The following PCDHGB1 variants were observed in gnomAD, a reference collection of about 807,000 sequenced individuals.
PCDHGB1 encodes protocadherin gamma-B1.
Under a neutral mutation model 56.6 loss-of-function variants are expected in PCDHGB1, and 34 were observed. The observed-to-expected ratio is 0.60, with a 90% CI of 0.46 to 0.80. The LOEUF (loss-of-function observed/expected upper bound fraction) is 0.80, where lower values mean the gene tolerates loss of function less well. PCDHGB1 is among the 30% of genes least tolerant of loss of function. PCDHGB1 has a pLI of 0.00. For synonymous variants in PCDHGB1, 561 were observed against 505.9 expected (o/e 1.11, Z -1.46); for missense variants, 1,278 against 1,204.6 (o/e 1.06, Z -0.90).
chr5:141,414,965 C>T lies in PCDHGB1; in HGVS notation c.2409+62296C>T, dbSNP rs564450666. On this transcript the variant is annotated intron_variant, in intron 1 of 3. Coordinates refer to ENST00000523390, the MANE Select transcript of PCDHGB1 (RefSeq NM_018922.3). ...GGCTACCTGGTGACCAAGGTGGTGG[C>T]GGTGGACAGAGACTCCGGCCAGAAC... The T allele has an allele frequency of 7.9e-5, 127 of 1,613,962 alleles. No homozygotes were observed. The highest frequency in any genetic ancestry group is 7.7e-5 in the Non-Finnish European group (91 of 1,180,046).
At chr5:141,376,085 A>T (rs777795289) in intron 1 of PCDHGB1, 1 of 1,613,530 alleles carries the variant, frequency 6.2e-7, no homozygotes. Flanking sequence ...GGCCGACAGG[A>T]TCCCCGACAT....
chr5:141,446,850 C>T (rs1027473189), intron 1 of PCDHGB1, among the ~76,000 whole-genome samples: 2 of 152,114 alleles, frequency 1.3e-5, no homozygotes, highest in Non-Finnish European at 2.9e-5. Flanking sequence ...GCATAATAAG[C>T]TTCCTGATAG....
chr5:141,419,443 C>G lies in PCDHGB1; in HGVS notation c.2409+66774C>G, dbSNP rs1476796525. ...TCGACCACGAGCAGCTGCGCACCTT[C>G]GAGCTCACGCTGCAGGCCCGCGACC... On this transcript the variant is annotated intron_variant, in intron 1 of 3. Coordinates refer to ENST00000523390, the MANE Select transcript of PCDHGB1 (RefSeq NM_018922.3). 6.2e-7 allele frequency: 1 copy of G among 1,613,080 alleles called. No individual in the cohort carries two copies. Among genetic ancestry groups the G allele is most frequent in the Non-Finnish European group, 8.5e-7 (1 of 1,179,758 alleles).
chr5:141,450,006 C>CTTTT (rs1554136305), intron 1 of PCDHGB1, among the ~76,000 whole-genome samples: 4 of 132,984 alleles, frequency 3.0e-5, no homozygotes, highest in South Asian at 2.3e-4. Flanking sequence ...TGCCATGTCT[C>CTTTT]TTTTTTTTTT....
intron 1 of PCDHGB1, among the ~76,000 whole-genome samples, chr5:141,450,123 T>G (rs565568384): frequency 2.4e-4 from 36 of 150,874 alleles, no homozygotes; most frequent in Non-Finnish European, 4.7e-4. Context: ...TCTCCTGCCT[T>G]AGCCTCCTGA....
At chr5:141,360,116 G>A in intron 1 of PCDHGB1, 1 of 1,570,542 alleles carries the variant, frequency 6.4e-7, no homozygotes, top group South Asian at 1.2e-5. Flanking sequence ...TATGGGCAAA[G>A]GAGCAAAGGG....
Position 141,361,312 on chromosome 5 carries a change from A to G in PCDHGB1, c.2409+8643A>G, listed in dbSNP as rs1761969172. ...CCAAGTGTTGGGAAATGCCAAGTTTATTTTGAAATCTTCCTCAAAGAACTA... is the reference window on the plus strand; with the variant it reads ...CCAAGTGTTGGGAAATGCCAAGTTTGTTTTGAAATCTTCCTCAAAGAACTA... On this transcript the variant is annotated intron_variant, in intron 1 of 3. Coordinates refer to ENST00000523390, the MANE Select transcript of PCDHGB1 (RefSeq NM_018922.3). 5.0e-6 allele frequency: 8 copies of G among 1,613,984 alleles called. No individual in the cohort carries two copies. In the South Asian group the frequency reaches 7.7e-5, roughly 16 times the overall value.
chr5:141,447,299 C>A (rs543731556), intron 1 of PCDHGB1, among the ~76,000 whole-genome samples: 38 of 152,102 alleles, frequency 2.5e-4, no homozygotes, highest in Middle Eastern at 6.8e-3. Context: ...GCCACCACAC[C>A]CGGCTAATTT....
intron 1 of PCDHGB1, chr5:141,408,114 C>G: frequency 6.8e-7 from 1 of 1,461,086 alleles, no homozygotes; most frequent in East Asian, 2.5e-5. Flanking sequence ...CGGGACTCCT[C>G]CTGTCCTGGG....
intron 1 of PCDHGB1, chr5:141,399,237 A>G: frequency 6.2e-7 from 1 of 1,614,002 alleles, no homozygotes; most frequent in South Asian, 1.1e-5. Context: ...TACATGACCA[A>G]GATTCTGGGG....
intron 1 of PCDHGB1, among the ~76,000 whole-genome samples, chr5:141,437,236 C>A (rs2154557405): frequency 6.6e-6 from 1 of 152,278 alleles, no homozygotes; most frequent in South Asian, 2.1e-4. Context: ...AAAATTATGT[C>A]AAGGACTTTC....
At chr5:141,418,674 GCAT>G (rs1401114725) in intron 1 of PCDHGB1, 1 of 1,614,032 alleles carries the variant, frequency 6.2e-7, no homozygotes, top group Non-Finnish European at 8.5e-7. Flanking sequence ...CAGGACGAGG[GCAT>G]CAACTCAGAG....
intron 1 of PCDHGB1, among the ~76,000 whole-genome samples, chr5:141,439,662 G>A (rs2098125902): frequency 6.6e-6 from 1 of 152,150 alleles, no homozygotes; most frequent in South Asian, 2.1e-4. Flanking sequence ...TAATTTCATG[G>A]AATGCAAATC....
intron 1 of PCDHGB1, chr5:141,392,710 C>T: frequency 7.4e-7 from 1 of 1,345,380 alleles, no homozygotes; most frequent in Non-Finnish European, 9.8e-7. Flanking sequence ...TGGAGGCACT[C>T]CAGGTTTCCG....
intron 1 of PCDHGB1, among the ~76,000 whole-genome samples, chr5:141,379,889 C>CTTTTTTTTTTTTTTGTTTTTTTTT (rs1775951854): frequency 2.0e-5 from 1 of 50,832 alleles, no homozygotes; most frequent in Non-Finnish European, 3.9e-5. Flanking sequence ...GTGAAAGCCT[C>CTTTTTTTTTTTTTTGTTTTTTTTT]TTTTTTTTTT....
chr5:141,414,850 C>T, intron 1 of PCDHGB1: 1 of 1,614,212 alleles, frequency 6.2e-7, no homozygotes, highest in Non-Finnish European at 8.5e-7. Flanking sequence ...TGTGCTGGAC[C>T]AGAACGACAA....
chr5:141,388,583 T>G, intron 1 of PCDHGB1: 1 of 1,613,894 alleles, frequency 6.2e-7, no homozygotes, highest in Non-Finnish European at 8.5e-7. Flanking sequence ...TTCTAGTGAC[T>G]GATGCCAATG....
intron 1 of PCDHGB1, chr5:141,409,367 G>A: frequency 1.9e-6 from 3 of 1,614,000 alleles, no homozygotes; most frequent in Non-Finnish European, 2.5e-6. Context: ...TATAGAAACA[G>A]ACATTCCATT....
At chr5:141,364,937 GAGAA>G (rs746946812) in intron 1 of PCDHGB1, 1 of 1,613,948 alleles carries the variant, frequency 6.2e-7, no homozygotes. Context: ...CCTAGACCGC[GAGAA>G]AGAGACTGTT....
Sources: allele counts gnomAD v4.1 joint callset (sites outside exome capture counted in the v4.1 genomes callset), GRCh38; gene constraint gnomAD v4.1.1; transcripts MANE v1.5; gene names NCBI Gene and HGNC (gene_info 2026-07-23, HGNC 2026-07-21).